The following PPP1R9A variants were observed in gnomAD, a reference collection of about 807,000 sequenced individuals.
PPP1R9A encodes the protein neurabin-1.
A neutral mutation model predicts 141.9 loss-of-function variants in PPP1R9A; 59 were observed. The ratio of observed to expected loss-of-function variants is 0.42; its 90% CI spans 0.34 to 0.52. PPP1R9A has a LOEUF of 0.52. PPP1R9A is among the 20% of genes least tolerant of loss of function. The probability of loss-of-function intolerance (pLI) is 0.10; values close to 1 mark genes in which losing one functional copy is unlikely to be tolerated. For synonymous variants in PPP1R9A, 500 were observed against 569.7 expected, an observed-to-expected ratio of 0.88 and a Z score of 1.74; for missense variants, 1,444 against 1,611.9, an observed-to-expected ratio of 0.90 and a Z score of 1.78.
At chr7:95,171,970 T>A (rs1213550520) in intron 5 of PPP1R9A, among the ~76,000 whole-genome samples, 4 of 151,636 alleles carry the variant, frequency 2.6e-5, no homozygotes, top group Non-Finnish European at 5.9e-5. Flanking sequence ...TATGGTTGAT[T>A]TAATGTTTAT....
chr7:95,266,995 T>TTTA (rs1197006815), intron 12 of PPP1R9A, among the ~76,000 whole-genome samples: 9 of 152,168 alleles, frequency 5.9e-5, no homozygotes, highest in Non-Finnish European at 8.8e-5. Context: ...TTAGCTGTTC[T>TTTA]TTATAAGTAC....
At chr7:95,185,378 A>ATTTTTTTTTTTTTTTTTTTTTTTTTTT (rs147366122) in intron 5 of PPP1R9A, among the ~76,000 whole-genome samples, 12 of 148,868 alleles carry the variant, frequency 8.1e-5, no homozygotes, top group African/African-American at 3.0e-4. Flanking sequence ...TTTTTATGGG[A>ATTTTTTTTTTTTTTTTTTTTTTTTTTT]TTTTTTTTTT....
intron 8 of PPP1R9A, among the ~76,000 whole-genome samples, chr7:95,229,484 T>C (rs1246760171): frequency 6.6e-6 from 1 of 151,980 alleles, no homozygotes; most frequent in Non-Finnish European, 1.5e-5. Context: ...GAGTGAGGCC[T>C]ATGACTTCCG....
At chr7:95,029,145 C>T (rs760343059) in intron 2 of PPP1R9A, among the ~76,000 whole-genome samples, 1 of 152,090 alleles carries the variant, frequency 6.6e-6, no homozygotes, top group Non-Finnish European at 1.5e-5. Context: ...CATACAGAGG[C>T]CGCGTATATT....
At chr7:94,960,553 A>G (rs1797521111) in intron 2 of PPP1R9A, among the ~76,000 whole-genome samples, 1 of 151,728 alleles carries the variant, frequency 6.6e-6, no homozygotes, top group South Asian at 2.1e-4. Flanking sequence ...AAATAACACT[A>G]AATGCCTACA....
At chr7:95,249,864 TC>T (rs1798631058) in intron 9 of PPP1R9A, among the ~76,000 whole-genome samples, 161 bp from the exon 10 acceptor site, 2 of 152,160 alleles carry the variant, frequency 1.3e-5, no homozygotes, top group Non-Finnish European at 2.9e-5. Context: ...TTCCATTTTA[TC>T]ATCTGTGGAA....
intron 16 of PPP1R9A, among the ~76,000 whole-genome samples, chr7:95,275,234 C>A (rs1451433252): frequency 1.3e-5 from 2 of 151,922 alleles, no homozygotes; most frequent in Admixed American, 1.3e-4. Flanking sequence ...ATGGCGAAAC[C>A]CCGTCTCTAC....
At chr7:94,944,285 C>A (rs1323387877) in intron 2 of PPP1R9A, among the ~76,000 whole-genome samples, 2 of 152,082 alleles carry the variant, frequency 1.3e-5, no homozygotes, top group African/African-American at 4.8e-5. Context: ...CCCTTCTACT[C>A]TAACACATAT....
chr7:95,249,785 G>C (rs1255964141), intron 9 of PPP1R9A, among the ~76,000 whole-genome samples: 1 of 152,114 alleles, frequency 6.6e-6, no homozygotes, highest in African/African-American at 2.4e-5. Flanking sequence ...CGTGTGAGGT[G>C]GAATCCAATC....
intron 2 of PPP1R9A, among the ~76,000 whole-genome samples, chr7:94,972,333 A>G (rs1798940150): frequency 6.6e-6 from 1 of 152,242 alleles, no homozygotes; most frequent in Non-Finnish European, 1.5e-5. Context: ...AATGCAAATC[A>G]AACATTGACC....
intron 7 of PPP1R9A, among the ~76,000 whole-genome samples, chr7:95,218,620 T>C (rs1793883697): frequency 6.6e-6 from 1 of 152,188 alleles, no homozygotes; most frequent in African/African-American, 2.4e-5. Flanking sequence ...TTTGTAGATC[T>C]CTAAGGACTT....
intron 4 of PPP1R9A, among the ~76,000 whole-genome samples, chr7:95,121,371 A>T (rs1030141511): frequency 6.6e-6 from 1 of 152,168 alleles, no homozygotes; most frequent in Non-Finnish European, 1.5e-5. Context: ...TGCACCTTGG[A>T]TAATTCTAGT....
chr7:94,972,931 A>T (rs1385334893), intron 2 of PPP1R9A, among the ~76,000 whole-genome samples: 1 of 152,204 alleles, frequency 6.6e-6, no homozygotes, highest in East Asian at 1.9e-4. Flanking sequence ...TCCAAGTTTC[A>T]TGTTCTTTCC....
intron 2 of PPP1R9A, among the ~76,000 whole-genome samples, chr7:95,048,872 G>C (rs1810403948): frequency 6.6e-6 from 1 of 151,920 alleles, no homozygotes; most frequent in African/African-American, 2.4e-5. Flanking sequence ...TTTAATTACT[G>C]TGTTTTTATT....
intron 7 of PPP1R9A, among the ~76,000 whole-genome samples, chr7:95,217,508 T>C (rs1270829514): frequency 6.6e-6 from 1 of 152,198 alleles, no homozygotes; most frequent in African/African-American, 2.4e-5. Flanking sequence ...GAGGATTCCC[T>C]CTTTTTCTAT....
rs73423007 is a variant in PPP1R9A, at chr7:94,911,458, G to A, written c.1345G>A (p.Glu449Lys). ...YSEIVGLPEE[E>K]EIPANRKIKF... is the part of the protein sequence containing the mutation. ...GGAAATTGTTGGATTGCCAGAAGAA[G>A]AAGAAATCCCAGCAAATAGGAAAAT... The change falls in exon 2 of 20, where the codon GAA becomes AAA. Residue 449 changes from glutamate (E) to lysine (K), a missense_variant. This residue lies in a region of PPP1R9A where 4 missense variants were observed against 18.5 expected (regional missense o/e 0.22). Coordinates refer to ENST00000433360, the MANE Select transcript of PPP1R9A (RefSeq NM_001166160.2). The A allele has an allele frequency of 5.0e-5, 80 of 1,613,468 alleles. No individual in the cohort carries two copies. In the African/African-American group the frequency reaches 1.0e-3, roughly 20 times the overall value.
In PPP1R9A at chr7:95,213,320, C is replaced by CTT. The variant is rs548473436; in HGVS notation, c.1956+9606_1956+9607dup. On this transcript the variant is annotated intron_variant, in intron 7 of 19. Coordinates refer to ENST00000433360, the MANE Select transcript of PPP1R9A (RefSeq NM_001166160.2). Reference sequence around the variant, plus strand: ...GGTTGTACTATCTTTCTTTCTCTTTCTTTTTTTTTTTTTTTTTGGAGACAG... The same window carrying CTT: ...GGTTGTACTATCTTTCTTTCTCTTTCTTTTTTTTTTTTTTTTTTTGGAGACAG... Among the ~76,000 whole-genome samples the CTT allele has an allele frequency of 9.9e-3, 1,278 of 129,100 alleles. 23 individuals carry two copies. The highest frequency in any genetic ancestry group is 0.031 in the African/African-American group (1,052 of 34,294). 84.7% of individuals were successfully genotyped at this position (129,100 alleles called of 152,430 possible).
intron 5 of PPP1R9A, among the ~76,000 whole-genome samples, chr7:95,165,866 G>A (rs540620669): frequency 6.2e-4 from 94 of 152,236 alleles, no homozygotes; most frequent in African/African-American, 2.2e-3. Flanking sequence ...TTGAAAATTG[G>A]GTCAGGCGCA....
rs564218834 is a variant in PPP1R9A, at chr7:94,924,986, CT to C, written c.1395+13483del. On this transcript the variant is annotated intron_variant, in intron 2 of 19. Coordinates refer to ENST00000433360, the MANE Select transcript of PPP1R9A (RefSeq NM_001166160.2). ...GATATGAAATATTTCTGAAGGTATCCTTTTTCCATATCCTATATTTAACTTA... is the reference window on the plus strand; with the variant it reads ...GATATGAAATATTTCTGAAGGTATCCTTTTCCATATCCTATATTTAACTTA... 4.6e-5 allele frequency among the ~76,000 whole-genome samples: 7 copies of C among 152,240 alleles called. No homozygotes were observed. The East Asian group carries it at 1.2e-3, about 25-fold the overall frequency.
Sources: allele counts gnomAD v4.1 joint callset (sites outside exome capture counted in the v4.1 genomes callset), GRCh38; gene constraint gnomAD v4.1.1; regional missense constraint gnomAD v4.1.1; transcripts MANE v1.5; gene names NCBI Gene and HGNC (gene_info 2026-07-23, HGNC 2026-07-21).